DENND1A: variants seen among roughly 807,000 people sequenced by gnomAD.
DENND1A encodes DENN domain containing 1A.
A neutral mutation model predicts 113.7 loss-of-function variants in DENND1A; 51 were observed. That is an observed-to-expected ratio of 0.45 (90% CI 0.36 to 0.57). The LOEUF (loss-of-function observed/expected upper bound fraction) is 0.57, where lower values mean the gene tolerates loss of function less well. DENND1A is among the 20% of genes least tolerant of loss of function. The pLI, the probability that DENND1A is intolerant of heterozygous loss-of-function variation, is 0.00. For synonymous variants in DENND1A, 565 were observed against 570.8 expected, an observed-to-expected ratio of 0.99 and a Z score of 0.14; for missense variants, 1,258 against 1,395.9, an observed-to-expected ratio of 0.90 and a Z score of 1.57.
At chr9:123,592,502 T>C (rs2059503881) in intron 11 of DENND1A, among the ~76,000 whole-genome samples, 1 of 151,988 alleles carries the variant, frequency 6.6e-6, no homozygotes, top group Non-Finnish European at 1.5e-5. Flanking sequence ...TCCAGGACAG[T>C]GGTCATCCTT....
intron 2 of DENND1A, among the ~76,000 whole-genome samples, chr9:123,803,979 GCA>G (rs1403523118): frequency 6.6e-6 from 1 of 152,180 alleles, no homozygotes; most frequent in Non-Finnish European, 1.5e-5. Context: ...TGATCTACAA[GCA>G]CAATTTCACA....
At chr9:123,530,845 T>C (rs2055236323) in intron 13 of DENND1A, among the ~76,000 whole-genome samples, 1 of 152,152 alleles carries the variant, frequency 6.6e-6, no homozygotes. Context: ...ATTAAGAGAT[T>C]AACAATAATT....
intron 9 of DENND1A, among the ~76,000 whole-genome samples, chr9:123,632,642 G>A (rs375402603): frequency 6.6e-6 from 1 of 152,200 alleles, no homozygotes; most frequent in East Asian, 1.9e-4. Flanking sequence ...GACAAGCCTG[G>A]CCCGGATGGC....
chr9:123,792,527 T>C (rs1200511043), intron 3 of DENND1A, 60 bp downstream of exon 3: 34 of 1,541,672 alleles, frequency 2.2e-5, no homozygotes, highest in East Asian at 1.4e-4. Flanking sequence ...ACAGTAATAA[T>C]ATGTTGAACA....
At chr9:123,742,036 T>C (rs1490259951) in intron 5 of DENND1A, among the ~76,000 whole-genome samples, 14 of 152,252 alleles carry the variant, frequency 9.2e-5, no homozygotes, top group Admixed American at 9.2e-4. Context: ...GGTATCACCA[T>C]GCTCTAGAGT....
chr9:123,913,815 G>A (rs766692047), intron 1 of DENND1A, among the ~76,000 whole-genome samples: 13 of 150,552 alleles, frequency 8.6e-5, no homozygotes, highest in Non-Finnish European at 1.6e-4. Flanking sequence ...TGAGGCAGGA[G>A]AATCGCTTGA....
At chr9:123,586,797 C>T (rs925408640) in intron 11 of DENND1A, among the ~76,000 whole-genome samples, 2 of 152,134 alleles carry the variant, frequency 1.3e-5, no homozygotes, top group Non-Finnish European at 2.9e-5. Flanking sequence ...GAAAGCCAGA[C>T]CGTCGCCAGG....
chr9:123,384,467 T>C (rs2042453907), intron 22 of DENND1A, among the ~76,000 whole-genome samples: 1 of 152,230 alleles, frequency 6.6e-6, no homozygotes, highest in South Asian at 2.1e-4. Flanking sequence ...GTGGGACCTT[T>C]GGCAGGTCAC....
chr9:123,707,306 AT>A (rs1034668082), intron 5 of DENND1A, among the ~76,000 whole-genome samples: 5 of 152,078 alleles, frequency 3.3e-5, no homozygotes, highest in Non-Finnish European at 7.4e-5. Context: ...AGGCAGGAGA[AT>A]CACTTGAACC....
intron 13 of DENND1A, among the ~76,000 whole-genome samples, chr9:123,550,994 A>C (rs1322084381): frequency 2.6e-5 from 4 of 152,234 alleles, no homozygotes; most frequent in African/African-American, 7.2e-5. Context: ...GGCGTGTCAG[A>C]GAGCAAGAAA....
At chr9:123,465,099 T>C (rs369793304) in intron 13 of DENND1A, among the ~76,000 whole-genome samples, 5 of 151,162 alleles carry the variant, frequency 3.3e-5, no homozygotes, top group African/African-American at 1.2e-4. Flanking sequence ...GAGAATCGCT[T>C]GAACCCGGGA....
chr9:123,431,715 C>A (rs531900176), intron 19 of DENND1A, among the ~76,000 whole-genome samples: 1 of 152,312 alleles, frequency 6.6e-6, no homozygotes, highest in East Asian at 1.9e-4. Context: ...CTAGCATGCT[C>A]CCTGGAGCTG....
chr9:123,858,614 G>C (rs1370998898), intron 2 of DENND1A, among the ~76,000 whole-genome samples: 1 of 152,056 alleles, frequency 6.6e-6, no homozygotes, highest in African/African-American at 2.4e-5. Context: ...GAGGGGAGGA[G>C]GTTAAATTCA....
intron 2 of DENND1A, among the ~76,000 whole-genome samples, chr9:123,846,075 A>G (rs184635727): frequency 6.6e-6 from 1 of 152,338 alleles, no homozygotes; most frequent in Non-Finnish European, 1.5e-5. Flanking sequence ...AAAATATACA[A>G]GAAGCACACT....
At chr9:123,656,085 T>C (rs575182544) in intron 8 of DENND1A, among the ~76,000 whole-genome samples, 2 of 152,210 alleles carry the variant, frequency 1.3e-5, no homozygotes, top group African/African-American at 4.8e-5. Context: ...CCTTGACGGA[T>C]ATGCAGGGGA....
rs574934492 is a variant in DENND1A, at chr9:123,837,275, T to C, written c.88+41676A>G. ...ATTCCACTACATTCACAGACACCAG[T>C]GTCTCATCACTCAACAAAGATACTT... On this transcript the variant is annotated intron_variant, in intron 2 of 23. Coordinates refer to ENST00000394215, the MANE Select transcript of DENND1A (RefSeq NM_001352964.2). Among the ~76,000 whole-genome samples the C allele has an allele frequency of 6.5e-4, 99 of 152,278 alleles. 3 individuals are homozygous for C. The highest frequency in any genetic ancestry group is 6.4e-3 in the Admixed American group (98 of 15,298).
chr9:123,788,285 GTTA>G (rs140558053), intron 3 of DENND1A, among the ~76,000 whole-genome samples: 3,330 of 152,136 alleles, frequency 0.022, 46 homozygotes, highest in Middle Eastern at 0.034. Context: ...TCTCCGATAG[GTTA>G]TTATCTCTTA....
intron 12 of DENND1A, among the ~76,000 whole-genome samples, chr9:123,569,836 G>A (rs2058256259): frequency 6.6e-6 from 1 of 152,142 alleles, no homozygotes; most frequent in Non-Finnish European, 1.5e-5. Context: ...AGCAAGAGGT[G>A]GGATCCAACA....
chr9:123,395,617 G>T (rs2043086207), intron 21 of DENND1A, among the ~76,000 whole-genome samples: 1 of 152,110 alleles, frequency 6.6e-6, no homozygotes, highest in Non-Finnish European at 1.5e-5. Flanking sequence ...AGCCTGCCAG[G>T]GGGTAGAGCC....
Sources: allele counts gnomAD v4.1 joint callset (sites outside exome capture counted in the v4.1 genomes callset), GRCh38; gene constraint gnomAD v4.1.1; transcripts MANE v1.5; gene names NCBI Gene and HGNC (gene_info 2026-07-23, HGNC 2026-07-21).